Variants in ADGRL3 observed in about 807,000 individuals in gnomAD.
ADGRL3 encodes calcium-independent alpha-latrotoxin receptor 3.
ADGRL3 carries 62 observed loss-of-function variants against 153.5 expected under a neutral mutation model. The observed-to-expected ratio is 0.40, with a 90% confidence interval of 0.33 to 0.50. The LOEUF (loss-of-function observed/expected upper bound fraction) is 0.50. Ranked by LOEUF, ADGRL3 falls within the 20% of genes least tolerant of loss-of-function variation. The pLI is 0.47. For synonymous variants in ADGRL3, 710 were observed against 672.5 expected, an observed-to-expected ratio of 1.06 and a Z score of -0.86; for missense variants, 1,641 against 1,859.4, an observed-to-expected ratio of 0.88 and a Z score of 2.16.
chr4:61,406,313 G>T (rs998742264), intron 2 of ADGRL3, among the ~76,000 whole-genome samples: 1 of 151,816 alleles, frequency 6.6e-6, no homozygotes, highest in Non-Finnish European at 1.5e-5. Context: ...TGTAACTTTT[G>T]ACCCTACCTG....
At chr4:61,752,883 A>G (rs1417772733) in intron 8 of ADGRL3, among the ~76,000 whole-genome samples, 1 of 152,146 alleles carries the variant, frequency 6.6e-6, no homozygotes, top group Non-Finnish European at 1.5e-5. Flanking sequence ...GCAGTGAGCC[A>G]AGATTGCTGT....
intron 21 of ADGRL3, among the ~76,000 whole-genome samples, chr4:62,007,427 T>TATAC (rs1553908716): frequency 1.7e-5 from 2 of 119,274 alleles, no homozygotes; most frequent in Non-Finnish European, 3.4e-5. Flanking sequence ...TATATACACA[T>TATAC]ATATATATAT....
chr4:61,761,583 G>A (rs573852189), intron 8 of ADGRL3, among the ~76,000 whole-genome samples: 6 of 152,218 alleles, frequency 3.9e-5, no homozygotes, highest in South Asian at 2.1e-4. Context: ...TGCTTGAAGC[G>A]AGGATTTCAA....
intron 4 of ADGRL3, among the ~76,000 whole-genome samples, chr4:61,573,939 A>G (rs1194776054): frequency 6.6e-6 from 1 of 152,060 alleles, no homozygotes; most frequent in Non-Finnish European, 1.5e-5. Context: ...GCAGAATAGC[A>G]ATACAAAACT....
At chr4:61,810,995 C>A (rs2148582376) in intron 8 of ADGRL3, among the ~76,000 whole-genome samples, 1 of 152,138 alleles carries the variant, frequency 6.6e-6, no homozygotes, top group Non-Finnish European at 1.5e-5. Flanking sequence ...CAAACAAAAA[C>A]CTCAAAATGT....
At chr4:61,770,381 A>G (rs1390599305) in intron 8 of ADGRL3, among the ~76,000 whole-genome samples, 1 of 152,156 alleles carries the variant, frequency 6.6e-6, no homozygotes, top group East Asian at 1.9e-4. Context: ...GGAAGTTTGC[A>G]TAGCAAAAAG....
chr4:61,408,470 T>C lies in ADGRL3; in HGVS notation c.-174+25281T>C, dbSNP rs1212036571. On this transcript the variant is annotated intron_variant, in intron 2 of 26. Coordinates refer to ENST00000683033, the MANE Select transcript of ADGRL3 (RefSeq NM_001387552.1). ...TAAAGACTTGCTTTGTTGCCGACTA[T>C]ACAGAGATTACTTTGATCGTTCCCT... Among the ~76,000 whole-genome samples the C allele has an allele frequency of 2.0e-5, 3 of 151,842 alleles. No individual in the cohort carries two copies. The East Asian group carries it at 5.9e-4, about 30-fold the overall frequency.
chr4:61,977,225 T>C (rs908198213), intron 17 of ADGRL3, among the ~76,000 whole-genome samples: 3 of 151,934 alleles, frequency 2.0e-5, no homozygotes, highest in Non-Finnish European at 4.4e-5. Context: ...TTCTTTTTTT[T>C]TTTTTTAAAG....
chr4:61,368,244 A>G (rs1422671900), intron 1 of ADGRL3, among the ~76,000 whole-genome samples: 2 of 152,128 alleles, frequency 1.3e-5, no homozygotes, highest in Non-Finnish European at 2.9e-5. Context: ...TAGTTTAATT[A>G]GATCCCATTT....
At chr4:61,695,189 T>G (rs2095617651) in intron 6 of ADGRL3, among the ~76,000 whole-genome samples, 1 of 152,196 alleles carries the variant, frequency 6.6e-6, no homozygotes, top group Non-Finnish European at 1.5e-5. Context: ...TTCCAAAAGT[T>G]TTTAATTTAC....
At chr4:61,747,311 C>T (rs1490860648) in intron 8 of ADGRL3, among the ~76,000 whole-genome samples, 1 of 151,286 alleles carries the variant, frequency 6.6e-6, no homozygotes, top group Non-Finnish European at 1.5e-5. Context: ...CCTTCTGAAA[C>T]TATTCCAATC....
At chr4:61,302,807 A>G (rs1055717254) in intron 1 of ADGRL3, among the ~76,000 whole-genome samples, 3 of 152,212 alleles carry the variant, frequency 2.0e-5, no homozygotes, top group African/African-American at 7.2e-5. Context: ...GGAAAACTAT[A>G]TACTTATTCC....
At chr4:61,368,023 G>A (rs1403806530) in intron 1 of ADGRL3, among the ~76,000 whole-genome samples, 2 of 151,418 alleles carry the variant, frequency 1.3e-5, no homozygotes, top group African/African-American at 2.4e-5. Flanking sequence ...TTTTTTGGCT[G>A]CATAAATGTC....
chr4:61,768,335 T>G (rs571317303), intron 8 of ADGRL3, among the ~76,000 whole-genome samples: 30 of 150,830 alleles, frequency 2.0e-4, no homozygotes, highest in South Asian at 1.5e-3. Flanking sequence ...GCTTGGCCTG[T>G]CGAGGAGGGG....
At position 61,222,923 on chromosome 4, in the gene ADGRL3, G is replaced by A. The variant is rs183839606; in HGVS notation, c.-240+21158G>A. Among the ~76,000 whole-genome samples, 19 of 152,248 alleles carry A rather than the reference G, an allele frequency of 1.2e-4. No homozygotes were observed. In the East Asian group the frequency reaches 3.5e-3, roughly 28 times the overall value. ...TTGATTTTTGTCAAATGTATGGAAC[G>A]TTTGTAGGGAAAATTGTTAAGATAG... On this transcript the variant is annotated intron_variant, in intron 1 of 26. Coordinates refer to ENST00000683033, the MANE Select transcript of ADGRL3 (RefSeq NM_001387552.1).
intron 2 of ADGRL3, among the ~76,000 whole-genome samples, chr4:61,472,942 T>C (rs1021385658): frequency 1.3e-5 from 2 of 152,138 alleles, no homozygotes; most frequent in Non-Finnish European, 2.9e-5. Context: ...TTGTATCTGA[T>C]TGAATTTTAG....
intron 4 of ADGRL3, among the ~76,000 whole-genome samples, chr4:61,569,001 A>G (rs1450581706): frequency 2.6e-5 from 4 of 152,170 alleles, no homozygotes; most frequent in African/African-American, 9.7e-5. Flanking sequence ...CCAGAATAGA[A>G]CAGAGTGAAT....
At position 61,737,182 on chromosome 4, in the gene ADGRL3, A is replaced by G. The variant is rs1415219100; in HGVS notation, c.1399+3628A>G. Among the ~76,000 whole-genome samples, 3 of 152,062 alleles carry G rather than the reference A, an allele frequency of 2.0e-5. No homozygotes were observed. In the South Asian group the frequency reaches 6.2e-4, roughly 31 times the overall value. On this transcript the variant is annotated intron_variant, in intron 8 of 26. Coordinates refer to ENST00000683033, the MANE Select transcript of ADGRL3 (RefSeq NM_001387552.1). ...CCTCAACTTATTACAAATATGTTAG[A>G]GTCAAAAACTAATCCTAAATCTGTA...
chr4:61,328,500 T>C (rs2095507517), intron 1 of ADGRL3, among the ~76,000 whole-genome samples: 1 of 152,132 alleles, frequency 6.6e-6, no homozygotes, highest in African/African-American at 2.4e-5. Context: ...GGCATTTTTA[T>C]AGGGGATGTT....
Sources: allele counts gnomAD v4.1 joint callset (sites outside exome capture counted in the v4.1 genomes callset), GRCh38; gene constraint gnomAD v4.1.1; transcripts MANE v1.5; gene names NCBI Gene and HGNC (gene_info 2026-07-23, HGNC 2026-07-21).